The following HTR3B variants were observed in gnomAD, a reference collection of about 807,000 sequenced individuals.
The protein encoded by HTR3B is 5-hydroxytryptamine receptor 3B.
A neutral mutation model predicts 42.8 loss-of-function variants in HTR3B; 44 were observed. The observed-to-expected ratio is 1.03, with a 90% CI of 0.81 to 1.32. HTR3B has a LOEUF of 1.32. HTR3B is among the 40% of genes most tolerant of loss of function. The pLI is 0.00. For missense variants in HTR3B, 527 were observed against 536.5 expected, an observed-to-expected ratio of 0.98 and a Z score of 0.17; for synonymous variants, 203 against 209.0, an observed-to-expected ratio of 0.97 and a Z score of 0.25.
rs911448061 is a variant in HTR3B at position 113,948,365 on chromosome 11, A to G, written c.*2228A>G. Among the ~76,000 whole-genome samples the G allele has an allele frequency of 6.6e-6, 1 of 152,128 alleles. No homozygotes were observed. Among genetic ancestry groups the G allele is most frequent in the African/African-American group, 2.4e-5 (1 of 41,426 alleles). On this transcript the variant is annotated 3_prime_UTR_variant, in exon 9 of 9. Coordinates refer to ENST00000260191, the MANE Select transcript of HTR3B (RefSeq NM_006028.5). ...TGTGGGGTCTCTCTCCTTCCCAACTATGTCTTAGAGAAAGCACCAGTGTCA... is the reference window on the plus strand; with the variant it reads ...TGTGGGGTCTCTCTCCTTCCCAACTGTGTCTTAGAGAAAGCACCAGTGTCA...
At chr11:113,943,999 A>G (rs540346581) in intron 7 of HTR3B, among the ~76,000 whole-genome samples, 16 of 150,778 alleles carry the variant, frequency 1.1e-4, no homozygotes, top group African/African-American at 3.7e-4. Flanking sequence ...TCAAGACAAC[A>G]TAGTGAGGAC....
intron 2 of HTR3B, among the ~76,000 whole-genome samples, chr11:113,918,049 A>G (rs1254012167): frequency 6.6e-6 from 1 of 152,082 alleles, no homozygotes; most frequent in East Asian, 1.9e-4. Context: ...ACCTATTTGT[A>G]TCATTTGATG....
intron 5 of HTR3B, 118 bp from the exon 6 acceptor site, chr11:113,932,818 G>A (rs1298172356): frequency 1.0e-6 from 1 of 981,938 alleles, no homozygotes; most frequent in Non-Finnish European, 1.5e-6. Flanking sequence ...TAAGGCCAAG[G>A]AGACTGTGCC....
chr11:113,909,071 ATTTACTTGTT>A (rs1314351401), intron 1 of HTR3B: 2 of 584,250 alleles, frequency 3.4e-6, no homozygotes, highest in African/African-American at 3.7e-5. Flanking sequence ...GATGGCGTTG[ATTTACTTGTT>A]TTTACAATGA....
chr11:113,943,119 G>A lies in HTR3B; in HGVS notation c.834G>A (p.Leu278=), dbSNP rs779856472. ...RARIVFKTSV[L]VGYTVFRVNM... is the part of the protein sequence containing the mutation. The stretch of plus-strand genomic sequence containing the variant: ...GGATTGTGTTCAAGACCAGTGTGCT[G>A]GTGGGCTACACCGTCTTCAGGGTCA... Residue 278 remains leucine, a synonymous_variant, in exon 7 of 9, where the codon CTG becomes CTA. Transcript: ENST00000260191. 2 of 1,614,106 alleles carry A rather than the reference G, an allele frequency of 1.2e-6. No individual in the cohort carries two copies. The highest frequency in any genetic ancestry group is 3.3e-5 in the Admixed American group (2 of 60,012).
chr11:113,938,908 T>C (rs976544418), intron 6 of HTR3B, among the ~76,000 whole-genome samples: 4 of 151,982 alleles, frequency 2.6e-5, no homozygotes, highest in African/African-American at 9.7e-5. Flanking sequence ...GGCAGGAGAA[T>C]CGCTTGAACC....
chr11:113,933,225 T>G, intron 6 of HTR3B, 132 bp downstream of exon 6: 1 of 832,258 alleles, frequency 1.2e-6, no homozygotes, highest in Non-Finnish European at 1.8e-6. Context: ...TTCAGCGGGC[T>G]CTGAGCATCC....
chr11:113,910,641 T>C (rs995758953), intron 2 of HTR3B, among the ~76,000 whole-genome samples: 1 of 151,022 alleles, frequency 6.6e-6, no homozygotes, highest in Non-Finnish European at 1.5e-5. Flanking sequence ...GGGTTTCACC[T>C]GTTGGACAGG....
At chr11:113,928,228 T>C (rs1395585719) in intron 2 of HTR3B, among the ~76,000 whole-genome samples, 1 of 152,242 alleles carries the variant, frequency 6.6e-6, no homozygotes, top group East Asian at 1.9e-4. Flanking sequence ...CTTTTTTTTA[T>C]GGCTGCATGG....
intron 6 of HTR3B, among the ~76,000 whole-genome samples, 162 bp downstream of exon 6, chr11:113,933,255 A>G (rs1950056281): frequency 6.6e-6 from 1 of 152,142 alleles, no homozygotes; most frequent in Admixed American, 6.6e-5. Flanking sequence ...CCAGCATTTC[A>G]CAGAGCAGAG....
At chr11:113,928,803 C>T (rs1287827768) in intron 2 of HTR3B, among the ~76,000 whole-genome samples, 1 of 152,204 alleles carries the variant, frequency 6.6e-6, no homozygotes, top group African/African-American at 2.4e-5. Context: ...TCCCAAAGTG[C>T]TGGGATTACA....
chr11:113,933,089 T>G lies in HTR3B; in HGVS notation c.692T>G (p.Phe231Cys). The G allele has an allele frequency of 6.2e-7, 1 of 1,612,854 alleles. No homozygotes were observed. Among genetic ancestry groups the G allele is most frequent in the Non-Finnish European group, 8.5e-7 (1 of 1,179,246 alleles). The change falls in exon 6 of 9, where the codon TTT (phenylalanine) becomes TGT (cysteine). Residue 231 changes from phenylalanine to cysteine, a missense_variant. By Grantham distance (205) the Phe-to-Cys change is radical (BLOSUM62 -2). Coordinates refer to ENST00000260191, the MANE Select transcript of HTR3B (RefSeq NM_006028.5). ...SSAGGFAQIQ[F>C]NVVMRRHPLV... ...GCTGGAGGATTTGCACAGATTCAGT[T>G]TAATGTAGGTTCTTTACTACCTGTC... is the stretch of plus-strand genomic sequence containing the variant.
chr11:113,929,715 T>G (rs757463609), intron 2 of HTR3B, among the ~76,000 whole-genome samples: 13 of 152,038 alleles, frequency 8.6e-5, no homozygotes, highest in Non-Finnish European at 1.5e-4. Flanking sequence ...TCTATTCAAG[T>G]CTCTCACCCA....
In HTR3B at chr11:113,942,640, T is replaced by C. The variant is rs1250351342; in HGVS notation, c.697-342T>C. 2.0e-5 allele frequency among the ~76,000 whole-genome samples: 3 copies of C among 152,216 alleles called. No homozygotes were observed. In the South Asian group the frequency reaches 6.2e-4, roughly 32 times the overall value. On this transcript the variant is annotated intron_variant, in intron 6 of 8. Transcript: ENST00000260191. ...AATGATACCTGTTTGTAAAATGAAG[T>C]TGATACCCAGCCCTTAAAGTTGTGA... is the stretch of plus-strand genomic sequence containing the variant.
In HTR3B at chr11:113,944,616, A is replaced by G; in HGVS notation, c.951A>G (p.Leu317=). Residue 317 remains leucine (L), a synonymous_variant, in exon 8 of 9, where the codon TTA becomes TTG. Coordinates refer to ENST00000260191, the MANE Select transcript of HTR3B (RefSeq NM_006028.5). Reference sequence around the variant, plus strand: ...GCATGGCCTTCTTGGTTCTCAGCTTAGCTAAGTCCATCGTGTTGGTCAAAT... The same window carrying G: ...GCATGGCCTTCTTGGTTCTCAGCTTGGCTAAGTCCATCGTGTTGGTCAAAT... ...TICMAFLVLS[L]AKSIVLVKFL... 6.2e-7 allele frequency: 1 copy of G among 1,614,136 alleles called. No homozygotes were observed. The highest frequency in any genetic ancestry group is 8.5e-7 in the Non-Finnish European group (1 of 1,180,004).
chr11:113,902,562 G>T (rs1205645193), upstream of HTR3B, among the ~76,000 whole-genome samples: 1 of 152,182 alleles, frequency 6.6e-6, no homozygotes, highest in Non-Finnish European at 1.5e-5. Flanking sequence ...CTCCTAAAGT[G>T]CTGGGATTAC....
At chr11:113,941,705 G>A (rs1177114669) in intron 6 of HTR3B, among the ~76,000 whole-genome samples, 1 of 152,156 alleles carries the variant, frequency 6.6e-6, no homozygotes, top group Non-Finnish European at 1.5e-5. Flanking sequence ...GGAGGAGGGA[G>A]GAGGGCCGAG....
At chr11:113,910,738 C>T (rs1180659680) in intron 2 of HTR3B, among the ~76,000 whole-genome samples, 5 of 151,858 alleles carry the variant, frequency 3.3e-5, no homozygotes, top group Non-Finnish European at 5.9e-5. Context: ...CCACACCCGG[C>T]AATTTCTCTT....
chr11:113,945,392 C>T (rs953325592), intron 8 of HTR3B, among the ~76,000 whole-genome samples: 1 of 152,202 alleles, frequency 6.6e-6, no homozygotes, highest in African/African-American at 2.4e-5. Flanking sequence ...ACCTCGGCCT[C>T]CCAGAGTGCT....
Sources: gnomAD v4.1 joint callset for allele counts (sites outside exome capture counted in the v4.1 genomes callset) on GRCh38, gnomAD v4.1.1 for gene constraint, MANE v1.5 for transcripts, NCBI Gene and HGNC (gene_info 2026-07-23, HGNC 2026-07-21) for gene names.